The following LRP1B variants were observed in gnomAD, a reference collection of about 807,000 sequenced individuals.
The protein encoded by LRP1B is low-density lipoprotein receptor-related protein 1B.
A neutral mutation model predicts 556.6 loss-of-function variants in LRP1B; 217 were observed. That is an observed-to-expected ratio of 0.39 (90% CI 0.35 to 0.44). LRP1B has a LOEUF of 0.44. Among genes scored for constraint, LRP1B ranks in the 20% least tolerant of loss-of-function variants. The pLI is 1.00. For synonymous variants in LRP1B, 2,047 were observed against 1,865.8 expected (o/e 1.10, Z -2.50); for missense variants, 5,053 against 5,620.8 (o/e 0.90, Z 3.23).
At chr2:141,413,044 C>T (rs963176951) in intron 3 of LRP1B, among the ~76,000 whole-genome samples, 4 of 152,016 alleles carry the variant, frequency 2.6e-5, no homozygotes, top group African/African-American at 9.7e-5. Context: ...CTGGACAGCA[C>T]AGTGAGACCC....
chr2:141,879,194 G>A (rs1325732274), intron 1 of LRP1B, among the ~76,000 whole-genome samples: 1 of 151,404 alleles, frequency 6.6e-6, no homozygotes, highest in African/African-American at 2.4e-5. Context: ...CAGAGATGTA[G>A]GTATCATATT....
chr2:140,839,247 T>C (rs1692019922), intron 31 of LRP1B, among the ~76,000 whole-genome samples: 1 of 152,226 alleles, frequency 6.6e-6, no homozygotes, highest in South Asian at 2.1e-4. Context: ...AAAATTATCA[T>C]GTTAAAAAAT....
chr2:140,344,250 G>C (rs1398201432), intron 77 of LRP1B, among the ~76,000 whole-genome samples: 1 of 151,744 alleles, frequency 6.6e-6, no homozygotes, highest in Non-Finnish European at 1.5e-5. Flanking sequence ...CTGACTGCTG[G>C]GTTGTGAGTG....
intron 2 of LRP1B, among the ~76,000 whole-genome samples, chr2:141,682,047 C>T (rs1453015339): frequency 2.6e-5 from 4 of 151,728 alleles, no homozygotes; most frequent in African/African-American, 4.8e-5. Context: ...GAAAGAATTT[C>T]GAAGCAAAAG....
chr2:140,449,975 C>T (rs192477572), intron 63 of LRP1B, among the ~76,000 whole-genome samples: 6 of 152,230 alleles, frequency 3.9e-5, no homozygotes, highest in East Asian at 3.9e-4. Context: ...AAGTTACCAA[C>T]GATTGCTGAA....
chr2:140,824,641 T>A (rs1422513069), intron 31 of LRP1B, among the ~76,000 whole-genome samples: 1 of 152,108 alleles, frequency 6.6e-6, no homozygotes, highest in African/African-American at 2.4e-5. Context: ...ATACATAATA[T>A]TTGTACCCTA....
Position 141,997,209 on chromosome 2 carries a change from A to G in LRP1B, c.82+133439T>C, listed in dbSNP as rs528369462. Among the ~76,000 whole-genome samples the G allele has an allele frequency of 3.9e-5, 6 of 151,954 alleles. No individual in the cohort carries two copies. The East Asian group carries it at 1.2e-3, about 30-fold the overall frequency. On this transcript the variant is annotated intron_variant, in intron 1 of 90. Coordinates refer to ENST00000389484, the MANE Select transcript of LRP1B (RefSeq NM_018557.3). ...AAGATTTTGCACTTTTTTCACCACA[A>G]CAGCCTGGGTTTAATTTCTAAATCA...
chr2:141,103,522 T>G, intron 7 of LRP1B, among the ~76,000 whole-genome samples: 1 of 149,026 alleles, frequency 6.7e-6, no homozygotes, highest in Non-Finnish European at 1.5e-5. Context: ...AGCACACACA[T>G]TCTCTCTCTC....
At chr2:140,779,521 C>T (rs1689615052) in intron 32 of LRP1B, among the ~76,000 whole-genome samples, 1 of 151,742 alleles carries the variant, frequency 6.6e-6, no homozygotes, top group Admixed American at 6.6e-5. Flanking sequence ...ATGGTGAAAC[C>T]CCGTCTCTAC....
At chr2:140,971,614 G>A (rs1383513061) in intron 18 of LRP1B, among the ~76,000 whole-genome samples, 2 of 152,134 alleles carry the variant, frequency 1.3e-5, no homozygotes, top group Non-Finnish European at 2.9e-5. Context: ...GGCAGATCAC[G>A]ACAAGGTCAG....
intron 3 of LRP1B, among the ~76,000 whole-genome samples, chr2:141,323,388 A>G (rs1340189252): frequency 1.3e-5 from 2 of 152,152 alleles, no homozygotes; most frequent in Non-Finnish European, 2.9e-5. Flanking sequence ...TTAATGATCC[A>G]ACGATCTACT....
At chr2:140,507,117 C>A (rs1689453134) in intron 52 of LRP1B, among the ~76,000 whole-genome samples, 199 bp from the exon 53 acceptor site, 1 of 152,096 alleles carries the variant, frequency 6.6e-6, no homozygotes, top group Non-Finnish European at 1.5e-5. Context: ...AATATAAATA[C>A]ACATAATTCA....
At chr2:141,105,427 C>T (rs4954884) in intron 7 of LRP1B, among the ~76,000 whole-genome samples, 54,752 of 151,832 alleles carry the variant, frequency 0.36, 10,378 homozygotes, top group East Asian at 0.66. Context: ...GAGTTATTGA[C>T]TGACTTTTTA....
rs1681358636 is a variant in LRP1B at position 141,188,472 on chromosome 2, A to C, written c.962T>G (p.Ile321Ser). The C allele has an allele frequency of 6.2e-7, 1 of 1,612,642 alleles. No homozygotes were observed. The highest frequency in any genetic ancestry group is 1.3e-5 in the African/African-American group (1 of 74,848). Reference protein sequence around the residue: ...NSNGSVCVTLIDLELHNPKAI... With the variant: ...NSNGSVCVTLSDLELHNPKAI... ...TTTAGGATTGTGAAGCTCCAGATCAATCAGGGTGACACATACAGAACCGTT... is the reference window on the plus strand; with the variant it reads ...TTTAGGATTGTGAAGCTCCAGATCACTCAGGGTGACACATACAGAACCGTT... The change falls in exon 7 of 91, where the codon ATT becomes AGT. Residue 321 changes from isoleucine (I) to serine (S), a missense_variant. Ile to Ser is a moderately radical substitution (Grantham distance 142). Transcript: ENST00000389484.
At position 141,727,522 on chromosome 2, in the gene LRP1B, C is replaced by T. The variant is rs140277322; in HGVS notation, c.205+82757G>A. Reference sequence around the variant, plus strand: ...GGACAGCATGATTTAAGGAGTCTGACATTGAATTTGGATTTCAATCCTGGT... The same window carrying T: ...GGACAGCATGATTTAAGGAGTCTGATATTGAATTTGGATTTCAATCCTGGT... On this transcript the variant is annotated intron_variant, in intron 2 of 90. Transcript: ENST00000389484. 2.2e-3 allele frequency among the ~76,000 whole-genome samples: 340 copies of T among 152,228 alleles called. 4 individuals are homozygous for T. Among genetic ancestry groups the T allele is most frequent in the African/African-American group, 7.8e-3 (326 of 41,552 alleles).
intron 41 of LRP1B, among the ~76,000 whole-genome samples, chr2:140,669,123 G>T (rs1574218829): frequency 6.6e-6 from 1 of 152,228 alleles, no homozygotes; most frequent in East Asian, 1.9e-4. Flanking sequence ...GCATTCAAGT[G>T]CTTGCTTTGT....
intron 84 of LRP1B, among the ~76,000 whole-genome samples, chr2:140,279,597 G>A (rs940673116): frequency 6.6e-6 from 1 of 151,802 alleles, no homozygotes; most frequent in African/African-American, 2.4e-5. Context: ...TAAATTCCAA[G>A]TATCAGTTCA....
intron 2 of LRP1B, among the ~76,000 whole-genome samples, chr2:141,744,648 T>C (rs1693846112): frequency 6.6e-6 from 1 of 152,192 alleles, no homozygotes; most frequent in African/African-American, 2.4e-5. Flanking sequence ...TTGAATTTTC[T>C]GTCTAAAAGG....
intron 2 of LRP1B, among the ~76,000 whole-genome samples, chr2:141,529,741 T>C (rs1684806773): frequency 6.6e-6 from 1 of 151,918 alleles, no homozygotes. Context: ...ACATACTGTT[T>C]GGGAAAAAAA....
Sources: gnomAD v4.1 joint callset for allele counts (sites outside exome capture counted in the v4.1 genomes callset) on GRCh38, gnomAD v4.1.1 for gene constraint, MANE v1.5 for transcripts, NCBI Gene and HGNC (gene_info 2026-07-23, HGNC 2026-07-21) for gene names.